The following MOB3B variants were observed in gnomAD, a reference collection of about 807,000 sequenced individuals.
MOB3B encodes MOB kinase activator-like 2B.
Under a neutral mutation model 18.7 loss-of-function variants are expected in MOB3B, and 7 were observed. That is an observed-to-expected ratio of 0.37 (90% CI 0.21 to 0.70). The LOEUF (loss-of-function observed/expected upper bound fraction) is 0.70. Ranked by LOEUF, MOB3B falls within the 30% of genes least tolerant of loss-of-function variation. The pLI is 0.52. For synonymous variants in MOB3B, 111 were observed against 99.9 expected, an observed-to-expected ratio of 1.11 and a Z score of -0.66; for missense variants, 253 against 281.3, an observed-to-expected ratio of 0.90 and a Z score of 0.72.
intron 2 of MOB3B, among the ~76,000 whole-genome samples, chr9:27,363,340 C>T (rs1821301359): frequency 6.6e-6 from 1 of 152,184 alleles, no homozygotes; most frequent in Non-Finnish European, 1.5e-5. Flanking sequence ...AGGATCGTGG[C>T]TCACTGCAAG....
intron 2 of MOB3B, among the ~76,000 whole-genome samples, chr9:27,403,175 A>G (rs1455093385): frequency 4.6e-5 from 7 of 152,256 alleles, no homozygotes; most frequent in Admixed American, 4.6e-4. Flanking sequence ...AAAAAGAACT[A>G]AAGTGAAGAA....
chr9:27,413,202 T>C (rs201624598), intron 2 of MOB3B, among the ~76,000 whole-genome samples: 1 of 152,096 alleles, frequency 6.6e-6, no homozygotes, highest in East Asian at 1.9e-4. Context: ...CTGAGGCAAA[T>C]AGCCCAATTG....
chr9:27,419,783 T>C (rs1009938815), intron 2 of MOB3B, among the ~76,000 whole-genome samples: 35 of 152,098 alleles, frequency 2.3e-4, no homozygotes, highest in African/African-American at 8.4e-4. Context: ...GCAAATGCAA[T>C]AAAAACAAAG....
chr9:27,504,939 A>G (rs1399968952), intron 1 of MOB3B, among the ~76,000 whole-genome samples: 2 of 152,142 alleles, frequency 1.3e-5, no homozygotes, highest in African/African-American at 4.8e-5. Flanking sequence ...GTGGCCCCAC[A>G]TCACTCTGAC....
At chr9:27,366,009 C>A (rs1366698095) in intron 2 of MOB3B, among the ~76,000 whole-genome samples, 1 of 152,172 alleles carries the variant, frequency 6.6e-6, no homozygotes, top group South Asian at 2.1e-4. Flanking sequence ...CAAAGCAAGA[C>A]TAGAGTTTTC....
At chr9:27,361,656 G>A (rs1366626599) in intron 2 of MOB3B, among the ~76,000 whole-genome samples, 1 of 152,210 alleles carries the variant, frequency 6.6e-6, no homozygotes, top group Admixed American at 6.5e-5. Context: ...TGAGCCCTCA[G>A]AACAGGCCTT....
At chr9:27,331,492 G>A (rs1471446669) in intron 3 of MOB3B, among the ~76,000 whole-genome samples, 1 of 152,128 alleles carries the variant, frequency 6.6e-6, no homozygotes, top group Admixed American at 6.6e-5. Context: ...GTGTACTGGG[G>A]CTCTGGACAT....
rs184556157 is a variant in MOB3B at position 27,471,832 on chromosome 9, C to T, written c.-198-16084G>A. Among the ~76,000 whole-genome samples the T allele has an allele frequency of 3.9e-3, 601 of 152,290 alleles. 11 individuals are homozygous for T. Among genetic ancestry groups the T allele is most frequent in the Admixed American group, 0.034 (522 of 15,296 alleles). The stretch of plus-strand genomic sequence containing the variant: ...GAAAAGCAGATCCCACAGGCTGCTA[C>T]GTTCCCTCTCTCCTAAAACACTCTT... On this transcript the variant is annotated intron_variant, in intron 1 of 3. Coordinates refer to ENST00000262244, the MANE Select transcript of MOB3B (RefSeq NM_024761.5).
At chr9:27,457,901 A>G (rs1226973699) in intron 1 of MOB3B, among the ~76,000 whole-genome samples, 4 of 152,204 alleles carry the variant, frequency 2.6e-5, no homozygotes, top group Non-Finnish European at 5.9e-5. Context: ...TTCCTAAAGA[A>G]TACCTTCCTA....
intron 2 of MOB3B, among the ~76,000 whole-genome samples, chr9:27,430,692 G>A (rs532657433): frequency 1.2e-4 from 18 of 152,222 alleles, no homozygotes; most frequent in African/African-American, 4.1e-4. Flanking sequence ...ATTCAAAGGA[G>A]ATGAAAAATT....
rs533293409 is a variant in MOB3B, at chr9:27,450,193, C to T, written c.418+4940G>A. ...GCAACTATTTCCACAATGCACTTGA[C>T]CACTGAACAGACTACTTACTTTAGA... is the stretch of plus-strand genomic sequence containing the variant. On this transcript the variant is annotated intron_variant, in intron 2 of 3. Coordinates refer to ENST00000262244, the MANE Select transcript of MOB3B (RefSeq NM_024761.5). 5.3e-5 allele frequency among the ~76,000 whole-genome samples: 8 copies of T among 152,168 alleles called. No homozygotes were observed. In the South Asian group the frequency reaches 1.7e-3, roughly 32 times the overall value.
intron 2 of MOB3B, among the ~76,000 whole-genome samples, chr9:27,430,725 C>T (rs1308603603): frequency 6.6e-6 from 1 of 152,088 alleles, no homozygotes; most frequent in Non-Finnish European, 1.5e-5. Context: ...CATCGTGAAA[C>T]ACAAAAGCTC....
intron 2 of MOB3B, among the ~76,000 whole-genome samples, chr9:27,388,738 T>C (rs1289139459): frequency 6.6e-6 from 1 of 152,142 alleles, no homozygotes. Flanking sequence ...TCCTTTCCCT[T>C]CTAAGCATGT....
In MOB3B at chr9:27,500,289, G is replaced by A. The variant is rs907997748; in HGVS notation, c.-199+29266C>T. 1.1e-4 allele frequency among the ~76,000 whole-genome samples: 16 copies of A among 151,994 alleles called. No individual in the cohort carries two copies. The East Asian group carries it at 2.5e-3, about 24-fold the overall frequency. On this transcript the variant is annotated intron_variant, in intron 1 of 3. Coordinates refer to ENST00000262244, the MANE Select transcript of MOB3B (RefSeq NM_024761.5). Reference sequence around the variant, plus strand: ...CTTGTGAGAAATGCAAAATTCCTTCGTAAAACTACCTTATCATGCTGTCCA... The same window carrying A: ...CTTGTGAGAAATGCAAAATTCCTTCATAAAACTACCTTATCATGCTGTCCA...
At chr9:27,491,745 C>A (rs1380961875) in intron 1 of MOB3B, among the ~76,000 whole-genome samples, 1 of 152,020 alleles carries the variant, frequency 6.6e-6, no homozygotes. Flanking sequence ...TGGTGGCAGG[C>A]GCCTGTAGTC....
chr9:27,340,266 A>G (rs1015377081), intron 3 of MOB3B, among the ~76,000 whole-genome samples: 6 of 152,236 alleles, frequency 3.9e-5, no homozygotes, highest in African/African-American at 9.6e-5. Context: ...ATGGCTAGAT[A>G]AACACACACA....
In MOB3B at chr9:27,492,446, T is replaced by C. The variant is rs1587254791; in HGVS notation, c.-198-36698A>G. On this transcript the variant is annotated intron_variant, in intron 1 of 3. Coordinates refer to ENST00000262244, the MANE Select transcript of MOB3B (RefSeq NM_024761.5). ...CAAAATGTATTCCACAGCAAAGAAA[T>C]AGGCCCAGGTATCAAACAGGTAGTC... Among the ~76,000 whole-genome samples the C allele has an allele frequency of 2.0e-5, 3 of 152,096 alleles. No individual in the cohort carries two copies. The East Asian group carries it at 5.8e-4, about 29-fold the overall frequency.
intron 2 of MOB3B, among the ~76,000 whole-genome samples, chr9:27,375,883 G>C (rs1291553878): frequency 1.3e-5 from 2 of 152,088 alleles, no homozygotes; most frequent in Non-Finnish European, 2.9e-5. Context: ...TTGTATTTCA[G>C]GCAGACATTG....
chr9:27,465,800 C>T (rs566454911), intron 1 of MOB3B, among the ~76,000 whole-genome samples: 20 of 152,338 alleles, frequency 1.3e-4, no homozygotes, highest in African/African-American at 4.6e-4. Context: ...TCTGAAGCCA[C>T]ACCCTGAGCT....
Sources: allele counts gnomAD v4.1 joint callset (sites outside exome capture counted in the v4.1 genomes callset), GRCh38; gene constraint gnomAD v4.1.1; transcripts MANE v1.5; gene names NCBI Gene and HGNC (gene_info 2026-07-23, HGNC 2026-07-21).